AKNA: variants seen among roughly 807,000 people sequenced by gnomAD.
AKNA encodes microtubule organization protein AKNA.
Under a neutral mutation model 138.8 loss-of-function variants are expected in AKNA, and 67 were observed. The observed-to-expected ratio is 0.48, with a 90% confidence interval of 0.40 to 0.59. The LOEUF is 0.59. AKNA is among the 20% of genes least tolerant of loss of function. The pLI is 0.00. For synonymous variants in AKNA, 737 were observed against 754.4 expected, an observed-to-expected ratio of 0.98 and a Z score of 0.38; for missense variants, 1,813 against 1,880.4, an observed-to-expected ratio of 0.96 and a Z score of 0.66.
At chr9:114,385,847 C>T (rs1217913225) in intron 1 of AKNA, among the ~76,000 whole-genome samples, 2 of 152,224 alleles carry the variant, frequency 1.3e-5, no homozygotes, top group Non-Finnish European at 2.9e-5. Context: ...CAACCTCAGG[C>T]TGGGACGATG....
chr9:114,369,326 A>G (rs1832598058), intron 4 of AKNA, among the ~76,000 whole-genome samples: 1 of 152,242 alleles, frequency 6.6e-6, no homozygotes, highest in Non-Finnish European at 1.5e-5. Flanking sequence ...AGAAGGTTTT[A>G]TTGAACACAG....
At chr9:114,371,053 G>C (rs80192587) in intron 4 of AKNA, among the ~76,000 whole-genome samples, 4 of 152,328 alleles carry the variant, frequency 2.6e-5, no homozygotes, top group African/African-American at 9.6e-5. Flanking sequence ...CAAATGCAGT[G>C]AGATCACTAT....
At chr9:114,372,053 C>T (rs1182050840) in intron 4 of AKNA, among the ~76,000 whole-genome samples, 2 of 152,166 alleles carry the variant, frequency 1.3e-5, no homozygotes, top group Admixed American at 1.3e-4. Context: ...GAGCTGCAAG[C>T]CTGCCATGTA....
intron 21 of AKNA, among the ~76,000 whole-genome samples, chr9:114,338,852 C>T (rs1195928975): frequency 6.6e-6 from 1 of 152,190 alleles, no homozygotes; most frequent in Non-Finnish European, 1.5e-5. Context: ...CAGAGTCAGA[C>T]AGCTGGAAGG....
chr9:114,331,841 C>T (rs368086091), downstream of AKNA: 217 of 1,613,746 alleles, frequency 1.3e-4, 1 homozygote, highest in Middle Eastern at 6.6e-4. Flanking sequence ...AAGCCAGAGA[C>T]GACCAAGGAG....
intron 1 of AKNA, among the ~76,000 whole-genome samples, chr9:114,393,342 A>G (rs983858291): frequency 6.6e-6 from 1 of 150,404 alleles, no homozygotes; most frequent in Non-Finnish European, 1.5e-5. Context: ...CAGCCTCCTG[A>G]GTAGCTGCAA....
rs904972895 is a variant in AKNA at position 114,375,995 on chromosome 9, C to T, written c.1341+471G>A. Reference sequence around the variant, plus strand: ...CCCAGGGCTTCCTGCCCAAGCCAGCCTCCACCCCAGGCCTCCCCACCCCAC... The same window carrying T: ...CCCAGGGCTTCCTGCCCAAGCCAGCTTCCACCCCAGGCCTCCCCACCCCAC... On this transcript the variant is annotated intron_variant, in intron 3 of 21. Transcript: ENST00000374088. The T allele has an allele frequency of 1.1e-5, 5 of 453,066 alleles. No individual in the cohort carries two copies. In the Admixed American group the frequency reaches 1.2e-4, roughly 11 times the overall value. 28.1% of individuals were successfully genotyped at this position (453,066 alleles called of 1,614,324 possible). A position where few individuals can be genotyped will look rare whatever the true frequency, so the allele number is the denominator to read the frequency against.
intron 16 of AKNA, 65 bp from the exon 17 acceptor site, chr9:114,346,849 G>T: frequency 2.2e-6 from 3 of 1,377,908 alleles, no homozygotes; most frequent in East Asian, 2.4e-5. Context: ...AAGGTTATTT[G>T]TGAGAAGTTC....
chr9:114,362,545 C>A lies in AKNA; in HGVS notation c.1789-12G>T. 6.2e-7 allele frequency: 1 copy of A among 1,611,736 alleles called. No homozygotes were observed. The highest frequency in any genetic ancestry group is 8.5e-7 in the Non-Finnish European group (1 of 1,179,336). On this transcript the variant is annotated splice_polypyrimidine_tract_variant and intron_variant, in intron 7 of 21. Transcript: ENST00000374088. ...AGCCGCTGGAAGCCCTGAAACCAGACCAGGCCAGGAAGACTTGAGTGCTCA... is the reference window on the plus strand; with the variant it reads ...AGCCGCTGGAAGCCCTGAAACCAGAACAGGCCAGGAAGACTTGAGTGCTCA...
chr9:114,367,595 G>A lies in AKNA; in HGVS notation c.1676C>T (p.Ser559Leu). ...ENRDISEDQS[S>L]AEQTQALASQ... ...AGCCAGTGCCTGGGTCTGCTCTGCTGAGGACTGGTCCTCAGAGATGTCCCG... is the reference window on the plus strand; with the variant it reads ...AGCCAGTGCCTGGGTCTGCTCTGCTAAGGACTGGTCCTCAGAGATGTCCCG... The change falls in exon 6 of 22, where the codon TCA becomes TTA. Residue 559 changes from serine (S) to leucine (L), a missense_variant. Ser to Leu is a moderately radical substitution (Grantham distance 145, BLOSUM62 -2). Transcript: ENST00000374088. 1 of 1,613,456 alleles carries A rather than the reference G, an allele frequency of 6.2e-7. No individual in the cohort carries two copies.
At chr9:114,383,089 C>T (rs1205560075) in intron 1 of AKNA, 12 of 455,180 alleles carry the variant, frequency 2.6e-5, no homozygotes, top group East Asian at 1.4e-4. Flanking sequence ...GGAGTGGTTT[C>T]GCCGCCGATG....
downstream of AKNA, chr9:114,330,528 C>A (rs753381962): frequency 6.2e-7 from 1 of 1,612,378 alleles, no homozygotes; most frequent in Non-Finnish European, 8.5e-7. Context: ...TTTTACTTTA[C>A]CCCCAACAAG....
At position 114,341,438 on chromosome 9, in the gene AKNA, T is replaced by A. The variant is rs553653330; in HGVS notation, c.4067+95A>T. 105 of 1,441,554 alleles carry A rather than the reference T, an allele frequency of 7.3e-5. No individual in the cohort carries two copies. The African/African-American group carries it at 1.3e-3, about 18-fold the overall frequency. 89.3% of individuals were successfully genotyped at this position (1,441,554 alleles called of 1,614,324 possible). ...ACGCAGGGATAAAACACAGGAGGAG[T>A]ATACTGCATCTCAGCTGCCCCACCC... On this transcript the variant is annotated intron_variant, in intron 21 of 21. Coordinates refer to ENST00000374088, the MANE Select transcript of AKNA (RefSeq NM_001317950.2).
chr9:114,338,592 G>A (rs1245652346), intron 21 of AKNA, among the ~76,000 whole-genome samples: 2 of 152,212 alleles, frequency 1.3e-5, no homozygotes, highest in African/African-American at 4.8e-5. Flanking sequence ...GAAGCTAAGT[G>A]ATTCAGGAGG....
At position 114,341,516 on chromosome 9, in the gene AKNA, A is replaced by G. The variant is rs750456738; in HGVS notation, c.4067+17T>C. 1.5e-5 allele frequency: 25 copies of G among 1,613,868 alleles called. No individual in the cohort carries two copies. The highest frequency in any genetic ancestry group is 2.2e-5 in the South Asian group (2 of 91,082). Reference sequence around the variant, plus strand: ...TCTATAGAAAGAGGCTGGGAAGGTCAGAATGAAGGCTCTTACACAGCGGCA... The same window carrying G: ...TCTATAGAAAGAGGCTGGGAAGGTCGGAATGAAGGCTCTTACACAGCGGCA... On this transcript the variant is annotated intron_variant, in intron 21 of 21. Coordinates refer to ENST00000374088, the MANE Select transcript of AKNA (RefSeq NM_001317950.2).
rs542070963 is a variant in AKNA at position 114,367,169 on chromosome 9, A to C, written c.1728+374T>G. ...GATTTATTTAATAAAATGAACTAAGAAAGTGAGGCAACTTATCCTGAAGAG... is the reference window on the plus strand; with the variant it reads ...GATTTATTTAATAAAATGAACTAAGCAAGTGAGGCAACTTATCCTGAAGAG... On this transcript the variant is annotated intron_variant, in intron 6 of 21. Transcript: ENST00000374088. Among the ~76,000 whole-genome samples, 37 of 152,318 alleles carry C rather than the reference A, an allele frequency of 2.4e-4. 2 individuals are homozygous for C. The highest frequency in any genetic ancestry group is 7.5e-4 in the African/African-American group (31 of 41,568).
Position 114,337,012 on chromosome 9 carries a change from T to TGGGGGGGGGGGGGGGGGGG in AKNA, c.*41_*42insCCCCCCCCCCCCCCCCCCC. 3.9e-5 allele frequency: 47 copies of TGGGGGGGGGGGGGGGGGGG among 1,208,216 alleles called. No individual in the cohort carries two copies. The highest frequency in any genetic ancestry group is 3.1e-5 in the East Asian group (1 of 32,128). 74.8% of individuals were successfully genotyped at this position (1,208,216 alleles called of 1,614,324 possible). A position where few individuals can be genotyped will look rare whatever the true frequency, so the allele number is the denominator to read the frequency against. On this transcript the variant is annotated 3_prime_UTR_variant, in exon 22 of 22. Coordinates refer to ENST00000374088, the MANE Select transcript of AKNA (RefSeq NM_001317950.2). Reference sequence around the variant, plus strand: ...CCCACTCCTGGCCTGGCAGGCCACCTGCCCACCCACCCACCCATCTGCCTC... The same window carrying TGGGGGGGGGGGGGGGGGGG: ...CCCACTCCTGGCCTGGCAGGCCACCTGGGGGGGGGGGGGGGGGGGGCCCACCCACCCACCCATCTGCCTC...
chr9:114,359,114 G>C (rs956714771), intron 11 of AKNA: 2 of 157,784 alleles, frequency 1.3e-5, no homozygotes, highest in African/African-American at 4.8e-5. Context: ...TATCACCCAG[G>C]CTGGAGTGCA....
In AKNA at chr9:114,337,012, T is replaced by TGGGGGGGGGGGGGGGGGGGG; in HGVS notation, c.*41_*42insCCCCCCCCCCCCCCCCCCCC. 26 of 1,208,214 alleles carry TGGGGGGGGGGGGGGGGGGGG rather than the reference T, an allele frequency of 2.2e-5. No homozygotes were observed. Among genetic ancestry groups the TGGGGGGGGGGGGGGGGGGGG allele is most frequent in the East Asian group, 9.3e-5 (3 of 32,128 alleles). The allele number at this position is 1,208,214 out of a possible 1,614,324, so 74.8% of individuals were successfully genotyped here. A position where few individuals can be genotyped will look rare whatever the true frequency, so the allele number is the denominator to read the frequency against. ...CCCACTCCTGGCCTGGCAGGCCACC[T>TGGGGGGGGGGGGGGGGGGGG]GCCCACCCACCCACCCATCTGCCTC... On this transcript the variant is annotated 3_prime_UTR_variant, in exon 22 of 22. Coordinates refer to ENST00000374088, the MANE Select transcript of AKNA (RefSeq NM_001317950.2).
Sources: gnomAD v4.1 joint callset for allele counts (sites outside exome capture counted in the v4.1 genomes callset) on GRCh38, gnomAD v4.1.1 for gene constraint, MANE v1.5 for transcripts, NCBI Gene and HGNC (gene_info 2026-07-23, HGNC 2026-07-21) for gene names.